Variants in NRXN3 observed in about 807,000 individuals in gnomAD.
NRXN3 encodes the protein neurexin 3.
In NRXN3, 32 loss-of-function variants were observed where a neutral mutation model predicts 137.6. The observed-to-expected ratio is 0.23, with a 90% CI of 0.18 to 0.31. NRXN3 has a LOEUF of 0.31. NRXN3 is among the 10% of genes least tolerant of loss of function. The pLI, the probability that NRXN3 is intolerant of heterozygous loss-of-function variation, is 1.00. For synonymous variants in NRXN3, 798 were observed against 784.5 expected (o/e 1.02, Z -0.29); for missense variants, 1,574 against 2,062.5 (o/e 0.76, Z 4.59).
chr14:79,699,867 C>T (rs2098748521), intron 19 of NRXN3, among the ~76,000 whole-genome samples: 1 of 151,982 alleles, frequency 6.6e-6, no homozygotes, highest in Non-Finnish European at 1.5e-5. Flanking sequence ...TGTTGAGACT[C>T]TTTGGTTTTA....
chr14:78,397,182 C>A (rs189040066), intron 4 of NRXN3, among the ~76,000 whole-genome samples: 49 of 152,304 alleles, frequency 3.2e-4, no homozygotes, highest in African/African-American at 1.2e-3. Flanking sequence ...TACTAATCTT[C>A]TTGAGTCATT....
intron 15 of NRXN3, among the ~76,000 whole-genome samples, chr14:79,408,122 G>A (rs574822593): frequency 6.6e-6 from 1 of 152,176 alleles, no homozygotes; most frequent in African/African-American, 2.4e-5. Context: ...CTTTCCAGAG[G>A]CCCAGTTAGG....
At chr14:78,920,614 TA>T (rs2099268397) in intron 10 of NRXN3, among the ~76,000 whole-genome samples, 1 of 152,166 alleles carries the variant, frequency 6.6e-6, no homozygotes, top group South Asian at 2.1e-4. Flanking sequence ...AGACTTCTGC[TA>T]CTCTAGACAC....
intron 6 of NRXN3, chr14:78,695,320 T>A (rs191047556): frequency 6.6e-6 from 1 of 152,214 alleles, no homozygotes; most frequent in East Asian, 1.9e-4. Flanking sequence ...ACAGTTTCCA[T>A]GGATTAGGAT....
chr14:79,673,028 T>C (rs549589794), intron 17 of NRXN3, among the ~76,000 whole-genome samples: 25 of 152,074 alleles, frequency 1.6e-4, no homozygotes, highest in Non-Finnish European at 2.6e-4. Flanking sequence ...AGGTGCTCTA[T>C]ACTGTAAATC....
chr14:79,564,174 A>G (rs1378483183), intron 16 of NRXN3, among the ~76,000 whole-genome samples: 1 of 152,042 alleles, frequency 6.6e-6, no homozygotes, highest in Non-Finnish European at 1.5e-5. Context: ...AAGATTAAAA[A>G]AAAAAAAAGA....
intron 16 of NRXN3, among the ~76,000 whole-genome samples, chr14:79,660,644 T>A (rs2098528874): frequency 6.6e-6 from 1 of 152,192 alleles, no homozygotes; most frequent in African/African-American, 2.4e-5. Flanking sequence ...ACTTGGCCAC[T>A]GCTGTCACTG....
intron 19 of NRXN3, among the ~76,000 whole-genome samples, chr14:79,797,667 A>G (rs769802830): frequency 3.9e-5 from 6 of 152,210 alleles, no homozygotes; most frequent in African/African-American, 1.4e-4. Flanking sequence ...CAGTCATACA[A>G]TCTTACCACA....
At chr14:78,314,573 C>T (rs752446756) in intron 4 of NRXN3, among the ~76,000 whole-genome samples, 5 of 152,164 alleles carry the variant, frequency 3.3e-5, no homozygotes, top group African/African-American at 4.8e-5. Context: ...TGTGCATCAT[C>T]TATGATTGGC....
intron 15 of NRXN3, among the ~76,000 whole-genome samples, chr14:79,158,616 A>T (rs1026925777): frequency 1.1e-4 from 16 of 151,838 alleles, no homozygotes; most frequent in African/African-American, 3.6e-4. Context: ...ACCTTTGAAG[A>T]TGGTGGCATA....
At chr14:79,397,764 C>T (rs2153484218) in intron 15 of NRXN3, among the ~76,000 whole-genome samples, 1 of 152,092 alleles carries the variant, frequency 6.6e-6, no homozygotes, top group Middle Eastern at 3.4e-3. Flanking sequence ...GTTTTACAAC[C>T]TGTGAGTACT....
At chr14:79,819,364 C>CT (rs961492724) in intron 20 of NRXN3, among the ~76,000 whole-genome samples, 44 of 146,960 alleles carry the variant, frequency 3.0e-4, no homozygotes, top group Middle Eastern at 3.7e-3. Flanking sequence ...AATGTGTAGT[C>CT]TTTTTTTTTG....
At chr14:79,048,222 C>T (rs2099635943) in intron 15 of NRXN3, among the ~76,000 whole-genome samples, 1 of 151,988 alleles carries the variant, frequency 6.6e-6, no homozygotes, top group African/African-American at 2.4e-5. Context: ...CAAAATTAAC[C>T]TGTGTTATTA....
intron 2 of NRXN3, among the ~76,000 whole-genome samples, chr14:78,244,680 T>C (rs922135294): frequency 6.6e-6 from 1 of 152,170 alleles, no homozygotes; most frequent in African/African-American, 2.4e-5. Flanking sequence ...CTTCTTACCT[T>C]TTTGTTTTTG....
At chr14:79,223,822 C>T (rs2070295065) in intron 15 of NRXN3, among the ~76,000 whole-genome samples, 2 of 152,094 alleles carry the variant, frequency 1.3e-5, no homozygotes. Context: ...CCTCTCAGTG[C>T]TATGGCAAAC....
chr14:78,576,111 A>G (rs577762926), intron 4 of NRXN3, among the ~76,000 whole-genome samples: 2 of 152,344 alleles, frequency 1.3e-5, no homozygotes, highest in East Asian at 1.9e-4. Flanking sequence ...GAATATTATC[A>G]TAATTAATGC....
At chr14:79,570,462 C>T (rs2097588577) in intron 16 of NRXN3, 1 of 152,224 alleles carries the variant, frequency 6.6e-6, no homozygotes, top group Non-Finnish European at 1.5e-5. Context: ...CCCCTTTTCA[C>T]TTCTATCCCT....
chr14:79,082,071 T>TGTGTATAC (rs1290308179), intron 15 of NRXN3, among the ~76,000 whole-genome samples: 6 of 139,734 alleles, frequency 4.3e-5, no homozygotes, highest in South Asian at 2.2e-4. Flanking sequence ...TTCATACATA[T>TGTGTATAC]ATATATACAT....
At chr14:79,411,682 C>A (rs1455608694) in intron 15 of NRXN3, among the ~76,000 whole-genome samples, 2 of 152,092 alleles carry the variant, frequency 1.3e-5, no homozygotes, top group South Asian at 2.1e-4. Context: ...TAATTAGAAT[C>A]CAGAACAATT....
Sources: allele counts gnomAD v4.1 joint callset (sites outside exome capture counted in the v4.1 genomes callset), GRCh38; gene constraint gnomAD v4.1.1; transcripts MANE v1.5; gene names NCBI Gene and HGNC (gene_info 2026-07-23, HGNC 2026-07-21).